The following PCSK5 variants were observed in gnomAD, a reference collection of about 807,000 sequenced individuals.
PCSK5 encodes prohormone convertase 5.
PCSK5 carries 129 observed loss-of-function variants against 233.2 expected under a neutral mutation model. That is an observed-to-expected ratio of 0.55 (90% CI 0.48 to 0.64). The LOEUF (loss-of-function observed/expected upper bound fraction) is 0.64. Among genes scored for constraint, PCSK5 ranks in the 30% least tolerant of loss-of-function variants. The pLI is 0.00. For synonymous variants in PCSK5, 825 were observed against 879.2 expected (o/e 0.94, Z 1.09); for missense variants, 2,076 against 2,430.1 (o/e 0.85, Z 3.06).
At chr9:76,203,214 C>T (rs1365545735) in intron 20 of PCSK5, among the ~76,000 whole-genome samples, 1 of 151,982 alleles carries the variant, frequency 6.6e-6, no homozygotes, top group Non-Finnish European at 1.5e-5. Flanking sequence ...ACATGCAAAA[C>T]CATTGGCACA....
intron 24 of PCSK5, among the ~76,000 whole-genome samples, chr9:76,277,368 C>T (rs1827726946): frequency 6.6e-6 from 1 of 152,146 alleles, no homozygotes; most frequent in African/African-American, 2.4e-5. Context: ...TATTTTCATC[C>T]ATCACTTCTA....
intron 12 of PCSK5, among the ~76,000 whole-genome samples, chr9:76,168,292 A>T (rs1343838904): frequency 1.3e-5 from 2 of 152,102 alleles, no homozygotes; most frequent in Non-Finnish European, 1.5e-5. Context: ...GTGGGACTAC[A>T]GGTACACCAC....
chr9:75,893,127 C>A (rs182960358), intron 1 of PCSK5, among the ~76,000 whole-genome samples: 9 of 152,152 alleles, frequency 5.9e-5, no homozygotes, highest in African/African-American at 2.2e-4. Context: ...ATTAATCTTT[C>A]CAGAGATTCA....
intron 5 of PCSK5, among the ~76,000 whole-genome samples, chr9:76,033,709 G>A (rs1008877185): frequency 2.6e-5 from 4 of 152,092 alleles, no homozygotes; most frequent in East Asian, 3.9e-4. Context: ...ACCTGGGATC[G>A]AGGCACCAGC....
At position 76,097,079 on chromosome 9, in the gene PCSK5, G is replaced by A. The variant is rs1325692418; in HGVS notation, c.1107+977G>A. Among the ~76,000 whole-genome samples the A allele has an allele frequency of 3.5e-5, 5 of 144,746 alleles. No individual in the cohort carries two copies. In the South Asian group the frequency reaches 1.1e-3, roughly 32 times the overall value. The allele number at this position is 144,746 out of a possible 152,430, so 95.0% of individuals were successfully genotyped here. A position where few individuals can be genotyped will look rare whatever the true frequency, so the allele number is the denominator to read the frequency against. On this transcript the variant is annotated intron_variant, in intron 8 of 37. Transcript: ENST00000674117. ...CCCGAGTAGCTGGGACTACAAGCAT[G>A]TGCCACCATGCCCGGCTAATTTTTT...
At chr9:76,319,383 G>A (rs1445282527) in intron 30 of PCSK5, among the ~76,000 whole-genome samples, 8 of 145,424 alleles carry the variant, frequency 5.5e-5, no homozygotes, top group Non-Finnish European at 1.1e-4. Flanking sequence ...TAGATATAGA[G>A]ATGATCATGG....
At chr9:75,933,138 TG>T (rs1420339786) in intron 2 of PCSK5, among the ~76,000 whole-genome samples, 2 of 152,024 alleles carry the variant, frequency 1.3e-5, no homozygotes, top group Non-Finnish European at 2.9e-5. Context: ...TTTAGAGAAG[TG>T]GAGCAGCTTT....
At chr9:76,166,975 A>G (rs771811566) in intron 12 of PCSK5, among the ~76,000 whole-genome samples, 3 of 152,216 alleles carry the variant, frequency 2.0e-5, no homozygotes, top group Non-Finnish European at 4.4e-5. Context: ...TGACACAGCC[A>G]TTTCTTCTTG....
At chr9:75,947,391 C>T (rs1824624606) in intron 2 of PCSK5, among the ~76,000 whole-genome samples, 1 of 151,886 alleles carries the variant, frequency 6.6e-6, no homozygotes, top group African/African-American at 2.4e-5. Flanking sequence ...AGGGTGGATG[C>T]AGTTAATGAA....
chr9:76,338,376 C>T lies in PCSK5; in HGVS notation c.4895C>T (p.Pro1632Leu). 1 of 1,612,682 alleles carries T rather than the reference C, an allele frequency of 6.2e-7. No homozygotes were observed. Among genetic ancestry groups the T allele is most frequent in the Non-Finnish European group, 8.5e-7 (1 of 1,179,742 alleles). Residue 1632 changes from proline to leucine, a missense_variant, in exon 35 of 38, where the codon CCA (proline) becomes CTA (leucine). Physicochemically the swap from Pro to Leu is moderately conservative, Grantham distance 98 (BLOSUM62 -3). This residue lies in a region of PCSK5 where 1,510 missense variants were observed against 1,538.1 expected (regional missense o/e 0.98). Coordinates refer to ENST00000674117, the MANE Select transcript of PCSK5 (RefSeq NM_001372043.1). ...RSKGECHRSC[P>L]DHYYVEQSTQ... Reference sequence around the variant, plus strand: ...AAAGGAGAGTGTCATCGCTCCTGCCCAGACCATTACTATGTAGAGCAAAGC... The same window carrying T: ...AAAGGAGAGTGTCATCGCTCCTGCCTAGACCATTACTATGTAGAGCAAAGC...
At chr9:76,168,976 C>A (rs1330995703) in intron 12 of PCSK5, among the ~76,000 whole-genome samples, 2 of 152,116 alleles carry the variant, frequency 1.3e-5, no homozygotes, top group African/African-American at 4.8e-5. Context: ...TCTTTTGTAT[C>A]TGGCTTCTTT....
At position 76,238,973 on chromosome 9, in the gene PCSK5, G is replaced by C; in HGVS notation, c.2881G>C (p.Glu961Gln). 1 of 1,612,020 alleles carries C rather than the reference G, an allele frequency of 6.2e-7. No individual in the cohort carries two copies. Among genetic ancestry groups the C allele is most frequent in the African/African-American group, 1.3e-5 (1 of 75,044 alleles). ...TAACTGATCAGACAACTATGGCCGA[G>C]AGCACTTCCTGTACCAGGGAGAGTG... is the stretch of plus-strand genomic sequence containing the variant. ...TSCGADNYGREHFLYQGECGD... is the reference protein window; with the variant it reads ...TSCGADNYGRQHFLYQGECGD... The change falls in exon 23 of 38, where the codon GAG (glutamate) becomes CAG (glutamine). Residue 961 changes from glutamate (E) to glutamine (Q), a missense_variant. By Grantham distance (29) the Glu-to-Gln change is conservative. Around this residue, in one of 6 missense-constraint regions of PCSK5, gnomAD observed 1,510 missense variants for 1,538.1 expected, o/e 0.98. Coordinates refer to ENST00000674117, the MANE Select transcript of PCSK5 (RefSeq NM_001372043.1).
rs563682347 is a variant in PCSK5 at position 76,094,636 on chromosome 9, C to T, written c.895-1254C>T. Among the ~76,000 whole-genome samples, 3 of 152,124 alleles carry T rather than the reference C, an allele frequency of 2.0e-5. No individual in the cohort carries two copies. The East Asian group carries it at 5.8e-4, about 29-fold the overall frequency. On this transcript the variant is annotated intron_variant, in intron 7 of 37. Coordinates refer to ENST00000674117, the MANE Select transcript of PCSK5 (RefSeq NM_001372043.1). ...TTTTTTTTTTCAAGATGGAGTCTCA[C>T]TCTGTCGCCCAGCTGGAGTGCAGTG... is the stretch of plus-strand genomic sequence containing the variant.
intron 12 of PCSK5, among the ~76,000 whole-genome samples, chr9:76,165,181 G>T (rs1823038608): frequency 2.0e-5 from 3 of 152,046 alleles, no homozygotes; most frequent in Admixed American, 2.0e-4. Context: ...ACCTTAAATT[G>T]TAATGAATCA....
At chr9:76,079,267 C>T (rs953759981) in intron 7 of PCSK5, among the ~76,000 whole-genome samples, 3 of 151,392 alleles carry the variant, frequency 2.0e-5, no homozygotes, top group Non-Finnish European at 2.9e-5. Flanking sequence ...CCGTGCCCAG[C>T]TAATTTTTGT....
At position 76,280,119 on chromosome 9, in the gene PCSK5, A is replaced by G. The variant is rs1827821183; in HGVS notation, c.3143-12114A>G. On this transcript the variant is annotated intron_variant, in intron 24 of 37. Coordinates refer to ENST00000674117, the MANE Select transcript of PCSK5 (RefSeq NM_001372043.1). ...TGTGTCACATTTTTGTAATTCTCACAATATTTTGAACTTTTCATCATTATT... is the reference window on the plus strand; with the variant it reads ...TGTGTCACATTTTTGTAATTCTCACGATATTTTGAACTTTTCATCATTATT... Among the ~76,000 whole-genome samples the G allele has an allele frequency of 2.6e-5, 4 of 152,092 alleles. No individual in the cohort carries two copies. In the South Asian group the frequency reaches 8.3e-4, roughly 32 times the overall value.
chr9:76,132,592 T>A (rs1432530459), intron 9 of PCSK5, among the ~76,000 whole-genome samples: 1 of 152,054 alleles, frequency 6.6e-6, no homozygotes, highest in African/African-American at 2.4e-5. Context: ...GTACTTTTCT[T>A]TCCCCATTTC....
intron 3 of PCSK5, among the ~76,000 whole-genome samples, chr9:75,987,878 GA>G (rs1374181363): frequency 6.6e-6 from 1 of 152,184 alleles, no homozygotes; most frequent in Non-Finnish European, 1.5e-5. Flanking sequence ...CAGGGTGAGA[GA>G]GACCCTTTTT....
intron 2 of PCSK5, among the ~76,000 whole-genome samples, chr9:75,934,575 G>GTT (rs796377889): frequency 2.9e-5 from 4 of 140,314 alleles, no homozygotes; most frequent in East Asian, 4.3e-4. Flanking sequence ...AAGTTTTTTT[G>GTT]TTTTTTTTTT....
Sources: gnomAD v4.1 joint callset for allele counts (sites outside exome capture counted in the v4.1 genomes callset) on GRCh38, gnomAD v4.1.1 for gene constraint, gnomAD v4.1.1 regional missense constraint, MANE v1.5 for transcripts, NCBI Gene and HGNC (gene_info 2026-07-23, HGNC 2026-07-21) for gene names.